KCNT2: variants seen among roughly 807,000 people sequenced by gnomAD.
KCNT2 encodes potassium sodium-activated channel subfamily T member 2.
In KCNT2, 67 loss-of-function variants were observed where a neutral mutation model predicts 153.8. The ratio of observed to expected loss-of-function variants is 0.44; its 90% CI spans 0.36 to 0.53. The LOEUF is 0.53. Ranked by LOEUF, KCNT2 falls within the 20% of genes least tolerant of loss-of-function variation. The pLI, the probability that KCNT2 is intolerant of heterozygous loss-of-function variation, is 0.00. For synonymous variants in KCNT2, 500 were observed against 458.8 expected (o/e 1.09, Z -1.15); for missense variants, 975 against 1,354.8 (o/e 0.72, Z 4.40).
intron 14 of KCNT2, among the ~76,000 whole-genome samples, chr1:196,348,857 C>G (rs913904146): frequency 2.0e-5 from 3 of 151,880 alleles, no homozygotes; most frequent in Non-Finnish European, 4.4e-5. Flanking sequence ...GAAACCCTGT[C>G]TCTACGAAAA....
chr1:196,375,909 G>C (rs1668925090), intron 13 of KCNT2, among the ~76,000 whole-genome samples: 2 of 151,770 alleles, frequency 1.3e-5, no homozygotes, highest in African/African-American at 4.8e-5. Context: ...CAAGGAAAAA[G>C]ATATGATATA....
At chr1:196,240,336 A>G (rs1046162356) in intron 26 of KCNT2, among the ~76,000 whole-genome samples, 2 of 152,050 alleles carry the variant, frequency 1.3e-5, no homozygotes, top group Non-Finnish European at 2.9e-5. Flanking sequence ...GCAACAGTGC[A>G]ATCTCACAGG....
chr1:196,413,948 A>C (rs1672545130), intron 12 of KCNT2, among the ~76,000 whole-genome samples: 1 of 151,720 alleles, frequency 6.6e-6, no homozygotes, highest in Non-Finnish European at 1.5e-5. Context: ...TAGTTATTAC[A>C]TTGTCATTAA....
At chr1:196,485,001 T>C (rs938761626) in intron 3 of KCNT2, among the ~76,000 whole-genome samples, 4 of 152,086 alleles carry the variant, frequency 2.6e-5, no homozygotes, top group Non-Finnish European at 4.4e-5. Flanking sequence ...AGCACACTTA[T>C]ATTTATTGCA....
chr1:196,341,350 A>G (rs1206739959), intron 15 of KCNT2, among the ~76,000 whole-genome samples: 1 of 151,998 alleles, frequency 6.6e-6, no homozygotes, highest in African/African-American at 2.4e-5. Flanking sequence ...GAAAAATAAA[A>G]TGATTGTATG....
chr1:196,365,526 A>G (rs1667967194), intron 14 of KCNT2, among the ~76,000 whole-genome samples: 1 of 152,202 alleles, frequency 6.6e-6, no homozygotes, highest in Non-Finnish European at 1.5e-5. Flanking sequence ...TAAGGCATTG[A>G]ATCAAAAGAT....
intron 1 of KCNT2, among the ~76,000 whole-genome samples, chr1:196,520,317 G>GACAATATA (rs1479812411): frequency 6.6e-6 from 1 of 151,808 alleles, no homozygotes; most frequent in Non-Finnish European, 1.5e-5. Flanking sequence ...AAAATAATAA[G>GACAATATA]AGCTATATAT....
intron 2 of KCNT2, among the ~76,000 whole-genome samples, chr1:196,491,084 A>C (rs1446431447): frequency 6.6e-6 from 1 of 152,040 alleles, no homozygotes; most frequent in Non-Finnish European, 1.5e-5. Flanking sequence ...GTTTTATAGA[A>C]ATGGGCCTCC....
chr1:196,512,270 T>TAGTC (rs1202197628), intron 1 of KCNT2, among the ~76,000 whole-genome samples: 1 of 152,178 alleles, frequency 6.6e-6, no homozygotes, highest in East Asian at 1.9e-4. Flanking sequence ...ACTCTTAAAA[T>TAGTC]AGTCCTCTTT....
At chr1:196,258,625 C>G in intron 25 of KCNT2, 131 bp from the exon 26 acceptor site, 1 of 754,604 alleles carries the variant, frequency 1.3e-6, no homozygotes, top group Non-Finnish European at 2.2e-6. Context: ...AGAGCAAAAT[C>G]AGTCTTTGAT....
chr1:196,552,151 A>G (rs1657997184), intron 1 of KCNT2, among the ~76,000 whole-genome samples: 1 of 151,552 alleles, frequency 6.6e-6, no homozygotes, highest in Admixed American at 6.6e-5. Context: ...AATAAATAGA[A>G]AAAATGAGAA....
intron 22 of KCNT2, among the ~76,000 whole-genome samples, chr1:196,300,642 A>G (rs925492994): frequency 1.3e-5 from 2 of 152,166 alleles, no homozygotes; most frequent in African/African-American, 4.8e-5. Context: ...CCCTTTGTCC[A>G]ATAATAATTC....
intron 26 of KCNT2, among the ~76,000 whole-genome samples, chr1:196,245,822 T>A (rs1046777782): frequency 2.0e-5 from 3 of 152,024 alleles, no homozygotes; most frequent in Non-Finnish European, 2.9e-5. Context: ...AGCACAATTT[T>A]AAAAAATGAA....
intron 5 of KCNT2, among the ~76,000 whole-genome samples, chr1:196,474,338 T>C (rs1352262009): frequency 1.3e-5 from 2 of 152,194 alleles, no homozygotes; most frequent in African/African-American, 4.8e-5. Flanking sequence ...AATACCTGTA[T>C]TTTAAAATAT....
chr1:196,342,303 T>C (rs1002275484), intron 14 of KCNT2, 75 bp from the exon 15 acceptor site: 11 of 1,312,018 alleles, frequency 8.4e-6, no homozygotes, highest in African/African-American at 1.5e-5. Flanking sequence ...ACAGTTGTTA[T>C]AGAACTGTTT....
Position 196,258,330 on chromosome 1 carries a change from G to A in KCNT2, c.3075C>T (p.Gly1025=). ...MQWARRLSRK[G]PKHSGKTAEK... is the part of the protein sequence containing the mutation. The stretch of plus-strand genomic sequence containing the variant: ...CAGCTGTTTTACCAGAGTGTTTTGG[G>A]CCTTTTCTGCTCAGTCTTCGGGCCC... Residue 1025 remains glycine (G), a synonymous_variant, in exon 26 of 28, where the codon GGC becomes GGT. Transcript: ENST00000294725. 2.5e-6 allele frequency: 4 copies of A among 1,613,896 alleles called. No homozygotes were observed. Among genetic ancestry groups the A allele is most frequent in the South Asian group, 1.1e-5 (1 of 91,078 alleles).
chr1:196,475,443 C>A (rs1424714599), intron 5 of KCNT2, among the ~76,000 whole-genome samples: 1 of 151,948 alleles, frequency 6.6e-6, no homozygotes, highest in Non-Finnish European at 1.5e-5. Context: ...CATAGCAAAA[C>A]CCCATCTCTT....
At chr1:196,331,073 T>C in intron 18 of KCNT2, 83 bp downstream of exon 18, 1 of 774,134 alleles carries the variant, frequency 1.3e-6, no homozygotes, top group South Asian at 1.5e-5. Flanking sequence ...GTAATCAAAA[T>C]GCTGTACAAA....
intron 1 of KCNT2, among the ~76,000 whole-genome samples, chr1:196,510,847 A>G (rs748918948): frequency 3.9e-5 from 6 of 152,198 alleles, no homozygotes; most frequent in Non-Finnish European, 8.8e-5. Context: ...ACTTCTAGAG[A>G]ATCCAACCAG....
Sources: allele counts gnomAD v4.1 joint callset (sites outside exome capture counted in the v4.1 genomes callset), GRCh38; gene constraint gnomAD v4.1.1; transcripts MANE v1.5; gene names NCBI Gene and HGNC (gene_info 2026-07-23, HGNC 2026-07-21).